The following CNTN4 variants were observed in gnomAD, a reference collection of about 807,000 sequenced individuals.
The protein encoded by CNTN4 is contactin-4.
Under a neutral mutation model 122.5 loss-of-function variants are expected in CNTN4, and 77 were observed. The ratio of observed to expected loss-of-function variants is 0.63; its 90% confidence interval spans 0.52 to 0.76. The LOEUF (loss-of-function observed/expected upper bound fraction) is 0.76, where lower values mean the gene tolerates loss of function less well. Among genes scored for constraint, CNTN4 ranks in the 30% least tolerant of loss-of-function variants. The probability of loss-of-function intolerance (pLI) is 0.00; values close to 1 mark genes in which losing one functional copy is unlikely to be tolerated. For missense variants in CNTN4, 1,256 were observed against 1,259.1 expected (o/e 1.00, Z 0.04); for synonymous variants, 512 against 447.0 (o/e 1.15, Z -1.83).
intron 13 of CNTN4, among the ~76,000 whole-genome samples, chr3:2,943,133 G>A (rs1015651084): frequency 1.3e-5 from 2 of 152,090 alleles, no homozygotes; most frequent in African/African-American, 4.8e-5. Context: ...CGCCTTTAGG[G>A]TGGAACAAAG....
chr3:3,002,871 A>T (rs1314019714), intron 14 of CNTN4, among the ~76,000 whole-genome samples: 2 of 152,258 alleles, frequency 1.3e-5, no homozygotes, highest in Admixed American at 6.5e-5. Flanking sequence ...TTTTACATGC[A>T]TCAGGTTATG....
chr3:2,121,109 T>TTCTC (rs1313008187), intron 2 of CNTN4, among the ~76,000 whole-genome samples: 1 of 151,466 alleles, frequency 6.6e-6, no homozygotes, highest in East Asian at 2.0e-4. Flanking sequence ...TCTTCCTTCC[T>TTCTC]TCTCTCCCTC....
At chr3:2,804,426 C>T (rs1264506804) in intron 6 of CNTN4, among the ~76,000 whole-genome samples, 3 of 152,156 alleles carry the variant, frequency 2.0e-5, no homozygotes, top group African/African-American at 7.2e-5. Flanking sequence ...TTTTGCTGTT[C>T]AGCAATCAGT....
At chr3:3,032,926 G>C (rs1699297609) in intron 16 of CNTN4, among the ~76,000 whole-genome samples, 1 of 152,074 alleles carries the variant, frequency 6.6e-6, no homozygotes, top group African/African-American at 2.4e-5. Context: ...GGTAGGAGAG[G>C]GTGGCAGGAA....
At chr3:2,820,551 A>C (rs11708917) in intron 7 of CNTN4, among the ~76,000 whole-genome samples, 21,181 of 151,976 alleles carry the variant, frequency 0.14, 1,497 homozygotes, top group South Asian at 0.21. Context: ...CCCTTCTCCC[A>C]TCCCCAAGAG....
At chr3:2,169,602 C>T (rs34701777) in intron 2 of CNTN4, among the ~76,000 whole-genome samples, 33,522 of 150,490 alleles carry the variant, frequency 0.22, 3,938 homozygotes, top group Middle Eastern at 0.3. Flanking sequence ...TTTCACCCTG[C>T]TAGCCAGGAT....
chr3:2,259,053 AG>A (rs2040716463), intron 2 of CNTN4, among the ~76,000 whole-genome samples: 1 of 151,932 alleles, frequency 6.6e-6, no homozygotes, highest in African/African-American at 2.4e-5. Context: ...ATGTACCCAA[AG>A]CTATATTGCT....
At chr3:2,720,321 A>T (rs201069526) in intron 4 of CNTN4, among the ~76,000 whole-genome samples, 1 of 152,216 alleles carries the variant, frequency 6.6e-6, no homozygotes, top group East Asian at 1.9e-4. Context: ...ATGCAGGTAG[A>T]CATTACCTAC....
chr3:2,579,179 A>C (rs986253768), intron 4 of CNTN4, among the ~76,000 whole-genome samples: 1 of 152,144 alleles, frequency 6.6e-6, no homozygotes, highest in African/African-American at 2.4e-5. Context: ...TATAAGTAAA[A>C]CTCCCTTACT....
chr3:2,887,106 C>G lies in CNTN4; in HGVS notation c.822C>G (p.His274Gln), dbSNP rs1036351350. 5.0e-6 allele frequency: 8 copies of G among 1,614,094 alleles called. No homozygotes were observed. Among genetic ancestry groups the G allele is most frequent in the Non-Finnish European group, 5.9e-6 (7 of 1,179,998 alleles). Residue 274 changes from histidine to glutamine, a missense_variant, in exon 10 of 25, where the codon CAC becomes CAG. Transcript: ENST00000418658. ...GKPIARKARRHKSNGILEIPN... is the reference protein window; with the variant it reads ...GKPIARKARRQKSNGILEIPN... Reference sequence around the variant, plus strand: ...CAATAGCAAGGAAAGCCAGAAGACACAAGTCAAATGGAATTCTTGAGATCC... The same window carrying G: ...CAATAGCAAGGAAAGCCAGAAGACAGAAGTCAAATGGAATTCTTGAGATCC...
At chr3:2,872,962 C>A (rs559766232) in intron 8 of CNTN4, among the ~76,000 whole-genome samples, 1 of 152,258 alleles carries the variant, frequency 6.6e-6, no homozygotes, top group South Asian at 2.1e-4. Context: ...CCATGAAAAA[C>A]AGTGAATAAG....
chr3:2,380,437 A>G (rs529152271), intron 3 of CNTN4, among the ~76,000 whole-genome samples: 5 of 136,982 alleles, frequency 3.7e-5, no homozygotes, highest in African/African-American at 7.9e-5. Context: ...AAATGTGTCT[A>G]TTTTACCTTT....
At chr3:3,001,350 T>A (rs2125401354) in intron 14 of CNTN4, among the ~76,000 whole-genome samples, 2 of 152,356 alleles carry the variant, frequency 1.3e-5, no homozygotes, top group South Asian at 4.1e-4. Flanking sequence ...GAGCCAAGAA[T>A]TCCTCATTGT....
intron 4 of CNTN4, among the ~76,000 whole-genome samples, chr3:2,678,884 A>T (rs1213554626): frequency 2.0e-5 from 3 of 149,884 alleles, no homozygotes; most frequent in African/African-American, 7.4e-5. Context: ...CTCCCCACCC[A>T]ACTGGTTCCT....
chr3:2,830,014 CT>C (rs1559552449), intron 7 of CNTN4, among the ~76,000 whole-genome samples: 1 of 152,044 alleles, frequency 6.6e-6, no homozygotes, highest in Non-Finnish European at 1.5e-5. Context: ...AATTAAATAT[CT>C]TATTGTTCAG....
intron 16 of CNTN4, among the ~76,000 whole-genome samples, chr3:3,034,361 G>C (rs142133761): frequency 5.3e-5 from 8 of 152,170 alleles, no homozygotes; most frequent in African/African-American, 1.9e-4. Flanking sequence ...TTAACATTAA[G>C]TATTCAGTTG....
chr3:2,650,273 A>C (rs1372553057), intron 4 of CNTN4, among the ~76,000 whole-genome samples: 2 of 151,982 alleles, frequency 1.3e-5, no homozygotes, highest in Non-Finnish European at 2.9e-5. Context: ...CAAGAGTTAG[A>C]AGTGGAGCCC....
At chr3:2,365,889 A>G (rs2045357572) in intron 3 of CNTN4, among the ~76,000 whole-genome samples, 1 of 152,132 alleles carries the variant, frequency 6.6e-6, no homozygotes, top group East Asian at 1.9e-4. Context: ...AAGAGGGTAA[A>G]ATGTTTTATT....
intron 4 of CNTN4, among the ~76,000 whole-genome samples, chr3:2,724,782 C>A (rs1354286306): frequency 6.6e-6 from 1 of 152,112 alleles, no homozygotes; most frequent in Non-Finnish European, 1.5e-5. Context: ...GCAGTTCACC[C>A]CAGAAGGGCT....
Sources: allele counts gnomAD v4.1 joint callset (sites outside exome capture counted in the v4.1 genomes callset), GRCh38; gene constraint gnomAD v4.1.1; transcripts MANE v1.5; gene names NCBI Gene and HGNC (gene_info 2026-07-23, HGNC 2026-07-21).